The following NALF1 variants were observed in gnomAD, a reference collection of about 807,000 sequenced individuals.
NALF1 encodes NALCN channel auxiliary factor 1.
In NALF1, 3 loss-of-function variants were observed where a neutral mutation model predicts 48.4. The ratio of observed to expected loss-of-function variants is 0.06; its 90% CI spans 0.03 to 0.16. NALF1 has a LOEUF of 0.16. Ranked by LOEUF, NALF1 falls within the 10% of genes least tolerant of loss-of-function variation. The pLI is 1.00. For missense variants in NALF1, 526 were observed against 571.5 expected (o/e 0.92, Z 0.81); for synonymous variants, 262 against 245.7 (o/e 1.07, Z -0.62).
chr13:107,720,991 T>C (rs970006420), intron 1 of NALF1, among the ~76,000 whole-genome samples: 5 of 152,156 alleles, frequency 3.3e-5, no homozygotes, highest in African/African-American at 9.7e-5. Context: ...TCCATATGGA[T>C]GTCAAGGCTC....
At chr13:107,442,635 G>T (rs534365131) in intron 1 of NALF1, among the ~76,000 whole-genome samples, 1 of 152,210 alleles carries the variant, frequency 6.6e-6, no homozygotes, top group African/African-American at 2.4e-5. Context: ...AACCACAATT[G>T]TCCTCCAGCA....
intron 1 of NALF1, among the ~76,000 whole-genome samples, chr13:107,804,135 A>G (rs1878702763): frequency 6.6e-6 from 1 of 152,150 alleles, no homozygotes; most frequent in Non-Finnish European, 1.5e-5. Context: ...CCTGCCTACA[A>G]GTGCCTAACC....
At chr13:107,691,035 T>C (rs12874659) in intron 1 of NALF1, among the ~76,000 whole-genome samples, 15,035 of 152,260 alleles carry the variant, frequency 0.099, 1,018 homozygotes, top group Admixed American at 0.2. Context: ...ATTCAGTTAG[T>C]CAAGGTACGA....
intron 1 of NALF1, among the ~76,000 whole-genome samples, chr13:107,572,495 G>A (rs1032105472): frequency 7.2e-5 from 11 of 152,128 alleles, no homozygotes; most frequent in African/African-American, 2.7e-4. Flanking sequence ...AAAAATGGTG[G>A]CAGTCTGTCT....
chr13:107,336,562 T>C (rs1882561053), intron 1 of NALF1, among the ~76,000 whole-genome samples: 1 of 152,028 alleles, frequency 6.6e-6, no homozygotes. Flanking sequence ...AGAACAATCT[T>C]TGTGTCTAAC....
intron 1 of NALF1, among the ~76,000 whole-genome samples, chr13:107,751,666 ACTGTAAAATAATGG>A (rs1275862553): frequency 1.9e-4 from 29 of 152,292 alleles, no homozygotes; most frequent in African/African-American, 7.0e-4. Flanking sequence ...TTAAGATACT[ACTGTAAAATAATGG>A]CTGTAAAATA....
intron 1 of NALF1, among the ~76,000 whole-genome samples, chr13:107,351,812 C>T (rs1470104072): frequency 6.6e-6 from 1 of 152,154 alleles, no homozygotes; most frequent in Admixed American, 6.5e-5. Flanking sequence ...AAGGTTCATA[C>T]ATTTGGAGAG....
At chr13:107,267,073 G>A (rs1322104622) in intron 1 of NALF1, among the ~76,000 whole-genome samples, 2 of 152,124 alleles carry the variant, frequency 1.3e-5, no homozygotes, top group Non-Finnish European at 2.9e-5. Context: ...CCACTGTAGG[G>A]CCAGGTATAC....
intron 1 of NALF1, among the ~76,000 whole-genome samples, chr13:107,699,362 C>A (rs141256172): frequency 8.7e-4 from 133 of 152,192 alleles, no homozygotes; most frequent in African/African-American, 3.0e-3. Context: ...AAAAATATTA[C>A]AGAGGACCAA....
chr13:107,213,999 G>A (rs150366045), intron 1 of NALF1, among the ~76,000 whole-genome samples: 18 of 152,176 alleles, frequency 1.2e-4, no homozygotes, highest in African/African-American at 3.1e-4. Flanking sequence ...AGCTACCAGC[G>A]TGATATAAAG....
intron 1 of NALF1, among the ~76,000 whole-genome samples, chr13:107,798,965 G>C (rs1409963185): frequency 6.6e-6 from 1 of 152,158 alleles, no homozygotes; most frequent in African/African-American, 2.4e-5. Flanking sequence ...AAGCTCACAA[G>C]TGCCTTATAA....
chr13:107,525,903 C>G (rs937604947), intron 1 of NALF1, among the ~76,000 whole-genome samples: 1 of 151,976 alleles, frequency 6.6e-6, no homozygotes, highest in African/African-American at 2.4e-5. Context: ...AATGATGTTA[C>G]ATTTTGTGCT....
chr13:107,623,996 C>A (rs1879601794), intron 1 of NALF1, among the ~76,000 whole-genome samples: 1 of 152,074 alleles, frequency 6.6e-6, no homozygotes, highest in Non-Finnish European at 1.5e-5. Context: ...TCGGTGTATT[C>A]CAGTTGTCTG....
rs535504553 is a variant in NALF1 at position 107,439,551 on chromosome 13, T to C, written c.916-228796A>G. On this transcript the variant is annotated intron_variant, in intron 1 of 2. Coordinates refer to ENST00000375915, the MANE Select transcript of NALF1 (RefSeq NM_001080396.3). ...GTTGTGGTTTTAAGAAAAAAAGCCT[T>C]ATCTACAGAAAGAAGGGCTCCTCTC... Among the ~76,000 whole-genome samples the C allele has an allele frequency of 5.9e-5, 9 of 152,324 alleles. No homozygotes were observed. In the South Asian group the frequency reaches 6.2e-4, roughly 11 times the overall value.
At chr13:107,399,794 T>C (rs1229732023) in intron 1 of NALF1, among the ~76,000 whole-genome samples, 1 of 152,108 alleles carries the variant, frequency 6.6e-6, no homozygotes, top group Non-Finnish European at 1.5e-5. Context: ...TGGTTCTTCC[T>C]TTACAAACAT....
intron 1 of NALF1, among the ~76,000 whole-genome samples, chr13:107,247,491 T>C (rs1880608064): frequency 6.6e-6 from 1 of 152,218 alleles, no homozygotes; most frequent in Non-Finnish European, 1.5e-5. Flanking sequence ...GAAATTCTAA[T>C]ATAAAGGCAA....
In NALF1 at chr13:107,594,874, A is replaced by G. The variant is rs370294451; in HGVS notation, c.915+270808T>C. The stretch of plus-strand genomic sequence containing the variant: ...CCTTGTAACAAATCTATACACGTAT[A>G]TCTGAATCAAAAATTAAAAATTAAA... On this transcript the variant is annotated intron_variant, in intron 1 of 2. Coordinates refer to ENST00000375915, the MANE Select transcript of NALF1 (RefSeq NM_001080396.3). 9.2e-5 allele frequency among the ~76,000 whole-genome samples: 14 copies of G among 152,206 alleles called. No homozygotes were observed. In the East Asian group the frequency reaches 2.3e-3, roughly 25 times the overall value.
chr13:107,587,564 G>GA (rs1878493159), intron 1 of NALF1, among the ~76,000 whole-genome samples: 2 of 152,052 alleles, frequency 1.3e-5, no homozygotes, highest in African/African-American at 4.8e-5. Flanking sequence ...GCAAGAGTAA[G>GA]AATGGATAAA....
intron 1 of NALF1, among the ~76,000 whole-genome samples, chr13:107,728,810 G>C (rs1032321762): frequency 1.3e-5 from 2 of 152,172 alleles, no homozygotes; most frequent in African/African-American, 4.8e-5. Context: ...AGAAAATGCT[G>C]TCTTCGTCAG....
Sources: allele counts gnomAD v4.1 joint callset (sites outside exome capture counted in the v4.1 genomes callset), GRCh38; gene constraint gnomAD v4.1.1; transcripts MANE v1.5; gene names NCBI Gene and HGNC (gene_info 2026-07-23, HGNC 2026-07-21).